TRIP12: variants seen among roughly 807,000 people sequenced by gnomAD.
TRIP12 encodes thyroid hormone receptor interactor 12.
Under a neutral mutation model 244.2 loss-of-function variants are expected in TRIP12, and 25 were observed. The ratio of observed to expected loss-of-function variants is 0.10; its 90% CI spans 0.07 to 0.14. TRIP12 has a LOEUF of 0.14. TRIP12 is among the 10% of genes least tolerant of loss of function. The pLI is 1.00. For synonymous variants in TRIP12, 905 were observed against 873.1 expected, an observed-to-expected ratio of 1.04 and a Z score of -0.64; for missense variants, 1,677 against 2,486.4, an observed-to-expected ratio of 0.67 and a Z score of 6.92.
chr2:229,797,006 G>T (rs1394191706), intron 24 of TRIP12, among the ~76,000 whole-genome samples: 1 of 150,162 alleles, frequency 6.7e-6, no homozygotes, highest in African/African-American at 2.5e-5. Context: ...AATAACATAA[G>T]AAGAAAATCT....
At chr2:229,824,917 T>C (rs996820808) in intron 8 of TRIP12, among the ~76,000 whole-genome samples, 1 of 152,112 alleles carries the variant, frequency 6.6e-6, no homozygotes, top group African/African-American at 2.4e-5. Context: ...TATGTAAATA[T>C]TACATAATTA....
At chr2:229,850,296 G>T (rs1003883237) in intron 4 of TRIP12, among the ~76,000 whole-genome samples, 1 of 151,896 alleles carries the variant, frequency 6.6e-6, no homozygotes, top group Non-Finnish European at 1.5e-5. Flanking sequence ...TCTGTTTAAA[G>T]TTTTTTTAAA....
intron 17 of TRIP12, among the ~76,000 whole-genome samples, chr2:229,806,992 A>G (rs1406990193): frequency 6.6e-6 from 1 of 152,258 alleles, no homozygotes; most frequent in Non-Finnish European, 1.5e-5. Context: ...CTCCTAAGCT[A>G]GAGCAAATAT....
chr2:229,821,372 T>C (rs544602053), intron 8 of TRIP12, among the ~76,000 whole-genome samples: 4 of 152,176 alleles, frequency 2.6e-5, no homozygotes, highest in Non-Finnish European at 5.9e-5. Flanking sequence ...AGTCCACAGA[T>C]CACACTTTGA....
intron 1 of TRIP12, among the ~76,000 whole-genome samples, chr2:229,909,736 T>C (rs1336610190): frequency 6.6e-6 from 1 of 151,538 alleles, no homozygotes; most frequent in Non-Finnish European, 1.5e-5. Context: ...GCCTGTAGTC[T>C]CAGCTACTCA....
At chr2:229,893,645 C>A (rs1471797163) in intron 1 of TRIP12, among the ~76,000 whole-genome samples, 1 of 152,138 alleles carries the variant, frequency 6.6e-6, no homozygotes, top group East Asian at 1.9e-4. Flanking sequence ...TTTTTACTTT[C>A]TTATTGCTGA....
intron 1 of TRIP12, among the ~76,000 whole-genome samples, chr2:229,881,651 C>G (rs1432721430): frequency 6.6e-6 from 1 of 151,928 alleles, no homozygotes; most frequent in Non-Finnish European, 1.5e-5. Context: ...TAAGGATAGT[C>G]AGTTTTAGAA....
At chr2:229,802,160 A>G in intron 21 of TRIP12, 92 bp downstream of exon 21, 1 of 928,200 alleles carries the variant, frequency 1.1e-6, no homozygotes, top group Non-Finnish European at 1.5e-6. Flanking sequence ...ATATATGCTA[A>G]TATGTTACCA....
At chr2:229,850,861 G>A (rs1169960220) in intron 4 of TRIP12, among the ~76,000 whole-genome samples, 4 of 152,258 alleles carry the variant, frequency 2.6e-5, no homozygotes, top group African/African-American at 4.8e-5. Flanking sequence ...CAGCACCCGG[G>A]CCAGCGGCTG....
intron 4 of TRIP12, among the ~76,000 whole-genome samples, chr2:229,843,839 A>G (rs2057027467): frequency 6.6e-6 from 1 of 151,930 alleles, no homozygotes; most frequent in Non-Finnish European, 1.5e-5. Context: ...CATAGATTAC[A>G]CTACTGCACT....
intron 1 of TRIP12, among the ~76,000 whole-genome samples, 181 bp from the exon 2 acceptor site, chr2:229,880,309 G>A (rs79452679): frequency 1.3e-5 from 2 of 152,204 alleles, no homozygotes; most frequent in African/African-American, 4.8e-5. Context: ...TTAACAAAAT[G>A]TCAGGGTACG....
chr2:229,910,566 TC>T (rs1185564342), intron 1 of TRIP12, among the ~76,000 whole-genome samples: 1 of 152,168 alleles, frequency 6.6e-6, no homozygotes, highest in East Asian at 1.9e-4. Context: ...GTAATTCCTT[TC>T]AGTAGTCCTT....
intron 34 of TRIP12, among the ~76,000 whole-genome samples, chr2:229,784,549 CTG>C (rs953565227): frequency 3.5e-5 from 5 of 143,518 alleles, no homozygotes; most frequent in African/African-American, 1.0e-4. Flanking sequence ...TTCATCAAAA[CTG>C]AAAATTTCTG....
chr2:229,814,130 C>T (rs2047925521), intron 12 of TRIP12, 99 bp from the exon 13 acceptor site: 9 of 1,528,888 alleles, frequency 5.9e-6, no homozygotes, highest in African/African-American at 2.8e-5. Context: ...CTGGAAACAA[C>T]ATTTGTATCT....
chr2:229,901,794 T>G (rs982771752), intron 1 of TRIP12, among the ~76,000 whole-genome samples: 1 of 151,916 alleles, frequency 6.6e-6, no homozygotes, highest in Admixed American at 6.6e-5. Flanking sequence ...AACTAAGCAG[T>G]GGGAAGAGAA....
At chr2:229,895,672 C>G (rs954873878) in intron 1 of TRIP12, among the ~76,000 whole-genome samples, 1 of 150,616 alleles carries the variant, frequency 6.6e-6, no homozygotes, top group South Asian at 2.1e-4. Context: ...GTGAGAAATT[C>G]ATATATAAGT....
At chr2:229,819,883 A>C (rs1441865703) in intron 8 of TRIP12, among the ~76,000 whole-genome samples, 2 of 152,236 alleles carry the variant, frequency 1.3e-5, no homozygotes, top group African/African-American at 4.8e-5. Context: ...GGCACATAGC[A>C]ATCAATGGAA....
At chr2:229,821,749 T>C (rs1302739085) in intron 8 of TRIP12, among the ~76,000 whole-genome samples, 1 of 152,156 alleles carries the variant, frequency 6.6e-6, no homozygotes, top group Non-Finnish European at 1.5e-5. Flanking sequence ...CTGATAGGAA[T>C]GGAAACAGAA....
chr2:229,892,180 A>G (rs1244913087), intron 1 of TRIP12, among the ~76,000 whole-genome samples: 1 of 152,224 alleles, frequency 6.6e-6, no homozygotes, highest in Admixed American at 6.5e-5. Context: ...GTGAAATAGG[A>G]GAAAAATAGG....
Sources: allele counts gnomAD v4.1 joint callset (sites outside exome capture counted in the v4.1 genomes callset), GRCh38; gene constraint gnomAD v4.1.1; transcripts MANE v1.5; gene names NCBI Gene and HGNC (gene_info 2026-07-23, HGNC 2026-07-21).